TRIM44: variants seen among roughly 807,000 people sequenced by gnomAD.
The protein encoded by TRIM44 is tripartite motif containing 44, also known as tripartite motif-containing protein 44.
TRIM44 carries 13 observed loss-of-function variants against 37.4 expected under a neutral mutation model. The ratio of observed to expected loss-of-function variants is 0.35; its 90% CI spans 0.23 to 0.55. The LOEUF is 0.55. Ranked by LOEUF, TRIM44 falls within the 20% of genes least tolerant of loss-of-function variation. The pLI, the probability that TRIM44 is intolerant of heterozygous loss-of-function variation, is 0.89. For synonymous variants in TRIM44, 175 were observed against 157.2 expected (o/e 1.11, Z -0.85); for missense variants, 426 against 437.2 (o/e 0.97, Z 0.23).
In TRIM44 at chr11:35,694,013, C is replaced by T. The variant is rs1851666934; in HGVS notation, c.747+8677C>T. ...CAAATAGATCAAAGAATGAGCTAAC[C>T]AGTCTACTCACTTAACTAAGCAGTC... On this transcript the variant is annotated intron_variant, in intron 2 of 4. Transcript: ENST00000299413. 2.0e-5 allele frequency among the ~76,000 whole-genome samples: 3 copies of T among 152,152 alleles called. No homozygotes were observed. The South Asian group carries it at 6.2e-4, about 32-fold the overall frequency.
intron 4 of TRIM44, among the ~76,000 whole-genome samples, chr11:35,747,590 T>C (rs1320194349): frequency 6.6e-6 from 1 of 152,172 alleles, no homozygotes; most frequent in Middle Eastern, 3.2e-3. Context: ...TTTGGTACTT[T>C]TATGAGAAAA....
chr11:35,795,471 G>C (rs886396321), intron 4 of TRIM44, among the ~76,000 whole-genome samples: 3 of 152,050 alleles, frequency 2.0e-5, no homozygotes, highest in African/African-American at 4.8e-5. Context: ...TGAGTCAATA[G>C]GACATGCTAT....
At chr11:35,779,424 C>T (rs1210586536) in intron 4 of TRIM44, among the ~76,000 whole-genome samples, 3 of 152,132 alleles carry the variant, frequency 2.0e-5, no homozygotes, top group Non-Finnish European at 4.4e-5. Context: ...CCTGCTTCAG[C>T]TCACACTCCG....
intron 4 of TRIM44, among the ~76,000 whole-genome samples, chr11:35,790,544 C>T (rs1853194387): frequency 1.3e-5 from 2 of 151,986 alleles, no homozygotes; most frequent in African/African-American, 4.8e-5. Context: ...TCTGCTTCAG[C>T]TCTATTTGAT....
rs777604610 is a variant in TRIM44 at position 35,735,438 on chromosome 11, G to A, written c.1000G>A (p.Gly334Arg). ...GTTTGTCTTTCAGGGCGATGAGGAA[G>A]GACCCAGGTAAGATCACATTGTTGC... Reference protein sequence around the residue: ...AEPKAEGDEEGPSGASEEEDT With the variant: ...AEPKAEGDEERPSGASEEEDT The change falls in exon 4 of 5, where the codon GGA becomes AGA. Residue 334 changes from glycine to arginine, a missense_variant. Gly to Arg is a moderately radical substitution (Grantham distance 125). Transcript: ENST00000299413. The A allele has an allele frequency of 3.7e-6, 6 of 1,613,582 alleles. No homozygotes were observed. Among genetic ancestry groups the A allele is most frequent in the Non-Finnish European group, 5.1e-6 (6 of 1,179,698 alleles).
Position 35,807,999 on chromosome 11 carries a change from T to G in TRIM44, c.*1614T>G, listed in dbSNP as rs1853476905. ...ATTACAGGCTTTAGGACCAGCTGAT[T>G]GTTATGCTTGCAGGATGGTTTTGAA... is the stretch of plus-strand genomic sequence containing the variant. On this transcript the variant is annotated 3_prime_UTR_variant, in exon 5 of 5. Coordinates refer to ENST00000299413, the MANE Select transcript of TRIM44 (RefSeq NM_017583.6). 1 of 152,078 alleles carries G rather than the reference T, an allele frequency of 6.6e-6. No individual in the cohort carries two copies. The highest frequency in any genetic ancestry group is 2.4e-5 in the African/African-American group (1 of 41,418). The allele number at this position is 152,078 out of a possible 1,614,324, so 9.4% of individuals were successfully genotyped here. A position where few individuals can be genotyped will look rare whatever the true frequency, so the allele number is the denominator to read the frequency against.
At chr11:35,707,054 C>T (rs1016191320) in intron 2 of TRIM44, among the ~76,000 whole-genome samples, 4 of 152,196 alleles carry the variant, frequency 2.6e-5, no homozygotes, top group Non-Finnish European at 5.9e-5. Context: ...TGATAAGCAA[C>T]TTCAGCAAAT....
intron 4 of TRIM44, among the ~76,000 whole-genome samples, chr11:35,763,318 A>C (rs1852752282): frequency 6.6e-6 from 1 of 152,118 alleles, no homozygotes. Flanking sequence ...AAAGATCTTG[A>C]CATTCTGGAC....
At chr11:35,756,069 A>T (rs1367946536) in intron 4 of TRIM44, among the ~76,000 whole-genome samples, 1 of 152,162 alleles carries the variant, frequency 6.6e-6, no homozygotes, top group Admixed American at 6.6e-5. Flanking sequence ...CATGGGGATG[A>T]CATTGAATCT....
At chr11:35,674,242 G>GTGTGTGTGTGTA in intron 1 of TRIM44, among the ~76,000 whole-genome samples, 1 of 151,682 alleles carries the variant, frequency 6.6e-6, no homozygotes, top group Admixed American at 6.6e-5. Flanking sequence ...TTGCGTGTGT[G>GTGTGTGTGTGTA]TGTGTGTGTG....
At position 35,682,894 on chromosome 11, in the gene TRIM44, T is replaced by A. The variant is rs146322094; in HGVS notation, c.670-2365T>A. Among the ~76,000 whole-genome samples, 58 of 152,332 alleles carry A rather than the reference T, an allele frequency of 3.8e-4. 1 individual carries two copies. The East Asian group carries it at 0.011, about 29-fold the overall frequency. On this transcript the variant is annotated intron_variant, in intron 1 of 4. Coordinates refer to ENST00000299413, the MANE Select transcript of TRIM44 (RefSeq NM_017583.6). ...TTTCTGAAGGTTTTAAGACACAGTT[T>A]GGTGCATTCCTTTCTGTTCTCTAGA...
chr11:35,669,884 G>A (rs567410053), intron 1 of TRIM44, among the ~76,000 whole-genome samples: 2 of 151,906 alleles, frequency 1.3e-5, no homozygotes, highest in Non-Finnish European at 2.9e-5. Context: ...GTGCAGTAGC[G>A]TGATCTTGCT....
intron 4 of TRIM44, among the ~76,000 whole-genome samples, chr11:35,757,587 T>C (rs1852662294): frequency 6.6e-6 from 1 of 152,348 alleles, no homozygotes; most frequent in African/African-American, 2.4e-5. Flanking sequence ...TTAATTGTGA[T>C]GTTAGGGTGT....
At position 35,680,362 on chromosome 11, in the gene TRIM44, T is replaced by C. The variant is rs538979992; in HGVS notation, c.670-4897T>C. Among the ~76,000 whole-genome samples, 5 of 152,220 alleles carry C rather than the reference T, an allele frequency of 3.3e-5. No individual in the cohort carries two copies. The South Asian group carries it at 1.0e-3, about 32-fold the overall frequency. ...TACCAGTCCCAGCAATAATTGCTTTTCTAATATTCTACATACCTATGTCAC... is the reference window on the plus strand; with the variant it reads ...TACCAGTCCCAGCAATAATTGCTTTCCTAATATTCTACATACCTATGTCAC... On this transcript the variant is annotated intron_variant, in intron 1 of 4. Coordinates refer to ENST00000299413, the MANE Select transcript of TRIM44 (RefSeq NM_017583.6).
intron 4 of TRIM44, among the ~76,000 whole-genome samples, chr11:35,762,249 T>C (rs1478368942): frequency 1.3e-5 from 2 of 152,364 alleles, no homozygotes; most frequent in African/African-American, 4.8e-5. Context: ...TCTCTTTCTT[T>C]TTTTAAAACA....
chr11:35,769,352 A>G (rs1033294186), intron 4 of TRIM44, among the ~76,000 whole-genome samples: 6 of 152,220 alleles, frequency 3.9e-5, no homozygotes, highest in Admixed American at 6.5e-5. Context: ...CTGTTTGACA[A>G]GAGCCACATT....
intron 4 of TRIM44, among the ~76,000 whole-genome samples, chr11:35,758,710 C>T (rs1315561452): frequency 6.6e-6 from 1 of 152,164 alleles, no homozygotes; most frequent in Non-Finnish European, 1.5e-5. Flanking sequence ...GACAAAATCT[C>T]TCAGCATTTG....
intron 4 of TRIM44, among the ~76,000 whole-genome samples, chr11:35,760,137 C>T (rs1852702722): frequency 6.6e-6 from 1 of 152,216 alleles, no homozygotes; most frequent in South Asian, 2.1e-4. Context: ...GTGGTGGGCT[C>T]CACCTAGTTC....
chr11:35,683,392 A>T (rs1013795800), intron 1 of TRIM44, among the ~76,000 whole-genome samples: 3 of 152,224 alleles, frequency 2.0e-5, no homozygotes, highest in African/African-American at 7.2e-5. Context: ...TTTACTGTGT[A>T]GACTTGAGAG....
Sources: allele counts gnomAD v4.1 joint callset (sites outside exome capture counted in the v4.1 genomes callset), GRCh38; gene constraint gnomAD v4.1.1; transcripts MANE v1.5; gene names NCBI Gene and HGNC (gene_info 2026-07-23, HGNC 2026-07-21).